The following ANHX variants were observed in gnomAD, a reference collection of about 807,000 sequenced individuals.
ANHX encodes anomalous homeobox.
Under a neutral mutation model 38.9 loss-of-function variants are expected in ANHX, and 20 were observed. The observed-to-expected ratio is 0.51, with a 90% CI of 0.36 to 0.75. ANHX has a LOEUF of 0.75. ANHX is among the 30% of genes least tolerant of loss of function. The probability of loss-of-function intolerance (pLI) is 0.00; values close to 1 mark genes in which losing one functional copy is unlikely to be tolerated. For synonymous variants in ANHX, 185 were observed against 203.1 expected (o/e 0.91, Z 0.76); for missense variants, 475 against 493.1 (o/e 0.96, Z 0.35).
At chr12:133,235,357 A>T (rs1345693684) in intron 1 of ANHX, 1 of 152,076 alleles carries the variant, frequency 6.6e-6, no homozygotes, top group South Asian at 2.1e-4. Flanking sequence ...CCTGTGGGGT[A>T]CCTTGGCCTG....
chr12:133,220,960 G>T lies in ANHX; in HGVS notation c.1280+245C>A, dbSNP rs530198509. Among the ~76,000 whole-genome samples the T allele has an allele frequency of 1.3e-4, 20 of 152,368 alleles. No homozygotes were observed. In the East Asian group the frequency reaches 3.9e-3, roughly 29 times the overall value. On this transcript the variant is annotated intron_variant, in intron 8 of 9. Coordinates refer to ENST00000545940, the MANE Select transcript of ANHX (RefSeq NM_001372060.1). Reference sequence around the variant, plus strand: ...GGTCCAGGGTGATTTGGGGGTAAGGGTGAACCCTGATCATGTCCAATGCAT... The same window carrying T: ...GGTCCAGGGTGATTTGGGGGTAAGGTTGAACCCTGATCATGTCCAATGCAT...
chr12:133,224,413 G>C (rs1440925174), intron 7 of ANHX, among the ~76,000 whole-genome samples: 3 of 152,160 alleles, frequency 2.0e-5, no homozygotes, highest in African/African-American at 7.2e-5. Flanking sequence ...TGTAATCCCA[G>C]CATTTTGGGA....
At chr12:133,226,179 T>G in intron 6 of ANHX, 139 bp downstream of exon 6, 2 of 1,373,470 alleles carry the variant, frequency 1.5e-6, no homozygotes, top group Admixed American at 2.2e-5. Flanking sequence ...GCTGGTGGCT[T>G]CCCTCTCCCT....
chr12:133,224,937 A>G (rs530468120), intron 7 of ANHX, among the ~76,000 whole-genome samples: 1 of 147,200 alleles, frequency 6.8e-6, no homozygotes, highest in Non-Finnish European at 1.5e-5. Context: ...ACTGCACTCC[A>G]GCCTGGGTGA....
chr12:133,219,201 C>G, intron 9 of ANHX, 82 bp downstream of exon 9: 1 of 1,287,812 alleles, frequency 7.8e-7, no homozygotes, highest in Non-Finnish European at 1.1e-6. Context: ...TCCAGTGGCA[C>G]TAGCTGAACC....
At chr12:133,224,559 A>C (rs1455277490) in intron 7 of ANHX, among the ~76,000 whole-genome samples, 1 of 148,942 alleles carries the variant, frequency 6.7e-6, no homozygotes, top group African/African-American at 2.5e-5. Flanking sequence ...CCTACTCGGG[A>C]GGCTGAGGCA....
At chr12:133,220,027 T>A (rs953425578) in intron 8 of ANHX, among the ~76,000 whole-genome samples, 4 of 152,082 alleles carry the variant, frequency 2.6e-5, no homozygotes, top group African/African-American at 9.7e-5. Context: ...CGTATTTACA[T>A]GAAATTCTAT....
rs1957329777 is a variant in ANHX at position 133,234,247 on chromosome 12, G to C, written c.110C>G (p.Ala37Gly). 1.3e-6 allele frequency: 2 copies of C among 1,536,168 alleles called. No homozygotes were observed. The highest frequency in any genetic ancestry group is 1.2e-5 in the South Asian group (1 of 84,060). Residue 37 changes from alanine to glycine, a missense_variant, in exon 2 of 10, where the codon GCC becomes GGC. By Grantham distance (60) the Ala-to-Gly change is moderately conservative (BLOSUM62 0). Coordinates refer to ENST00000545940, the MANE Select transcript of ANHX (RefSeq NM_001372060.1). ...RLCRDFQDDL[A>G]QLQPLVTAIL... ...GGCTGTGACCAAAGGCTGCAGTTGG[G>C]CAAGGTCATCCTGGAAGTCCCGGCA...
intron 3 of ANHX, among the ~76,000 whole-genome samples, chr12:133,230,705 G>C (rs1002857968): frequency 2.0e-5 from 3 of 152,120 alleles, no homozygotes; most frequent in Non-Finnish European, 4.4e-5. Context: ...TGAGGCTGCA[G>C]AGTTGTGACC....
intron 7 of ANHX, among the ~76,000 whole-genome samples, chr12:133,225,300 G>T (rs939756833): frequency 6.6e-6 from 1 of 150,522 alleles, no homozygotes; most frequent in Non-Finnish European, 1.5e-5. Flanking sequence ...TTCCTCTTCA[G>T]TGATATGCAT....
chr12:133,234,510 G>C, intron 1 of ANHX, 132 bp from the exon 2 acceptor site: 1 of 1,014,120 alleles, frequency 9.9e-7, no homozygotes, highest in Non-Finnish European at 1.4e-6. Context: ...GTAGGAATAA[G>C]ACCTCACACA....
rs898783379 is a variant in ANHX at position 133,226,941 on chromosome 12, C to A, written c.713G>T (p.Trp238Leu). Residue 238 changes from tryptophan (W) to leucine (L), a missense_variant, in exon 5 of 10, where the codon TGG becomes TTG. Trp to Leu is a moderately conservative substitution (Grantham distance 61). Transcript: ENST00000545940. ...GGGGCCCTCAGGCCACTCACCTGAC[C>A]ACTGAGGCCTGTCCACAAACCCAGA... ...VDSGFVDRPQ[W>L]SEEREEKGPP... 7 of 1,523,296 alleles carry A rather than the reference C, an allele frequency of 4.6e-6. No individual in the cohort carries two copies. In the African/African-American group the frequency reaches 8.2e-5, roughly 18 times the overall value. 94.4% of individuals were successfully genotyped at this position (1,523,296 alleles called of 1,614,324 possible). A position where few individuals can be genotyped will look rare whatever the true frequency, so the allele number is the denominator to read the frequency against.
At position 133,221,453 on chromosome 12, in the gene ANHX, C is replaced by T. The variant is rs149781867; in HGVS notation, c.1133-101G>A. ...AAAGCACGGAGGCGGATGCAGCCTC[C>T]GGCCCAGCCAGCCCGCGCCACGTGA... is the stretch of plus-strand genomic sequence containing the variant. On this transcript the variant is annotated intron_variant, in intron 7 of 9. Coordinates refer to ENST00000545940, the MANE Select transcript of ANHX (RefSeq NM_001372060.1). The surrounding 1 kb of genome is among the most constrained non-coding windows in gnomAD (Gnocchi z 4.1). The T allele has an allele frequency of 5.5e-4, 745 of 1,365,058 alleles. 5 individuals carry two copies. The African/African-American group carries it at 9.1e-3, about 17-fold the overall frequency. The allele number at this position is 1,365,058 out of a possible 1,614,324, so 84.6% of individuals were successfully genotyped here. A position where few individuals can be genotyped will look rare whatever the true frequency, so the allele number is the denominator to read the frequency against.
chr12:133,226,833 T>C, intron 5 of ANHX, 103 bp downstream of exon 5: 1 of 1,132,044 alleles, frequency 8.8e-7, no homozygotes, highest in Non-Finnish European at 1.2e-6. Flanking sequence ...ACCTACTGAT[T>C]GGAGGAGGGC....
chr12:133,226,969 C>A lies in ANHX; in HGVS notation c.685G>T (p.Asp229Tyr). 1 of 1,532,300 alleles carries A rather than the reference C, an allele frequency of 6.5e-7. No individual in the cohort carries two copies. The highest frequency in any genetic ancestry group is 1.2e-5 in the South Asian group (1 of 83,572). 94.9% of individuals were successfully genotyped at this position (1,532,300 alleles called of 1,614,324 possible). A position where few individuals can be genotyped will look rare whatever the true frequency, so the allele number is the denominator to read the frequency against. Residue 229 changes from aspartate (D) to tyrosine (Y), a missense_variant, in exon 5 of 10, where the codon GAC (aspartate) becomes TAC (tyrosine). By Grantham distance (160) the Asp-to-Tyr change is radical (BLOSUM62 -3). Coordinates refer to ENST00000545940, the MANE Select transcript of ANHX (RefSeq NM_001372060.1). ...TGAGGCCTGTCCACAAACCCAGAGT[C>A]AACACGGGGGTTGCCTGAGGGCTGC... Reference protein sequence around the residue: ...LLQPSGNPRVDSGFVDRPQWS... With the variant: ...LLQPSGNPRVYSGFVDRPQWS...
At chr12:133,220,544 G>A (rs1414143259) in intron 8 of ANHX, among the ~76,000 whole-genome samples, 1 of 152,224 alleles carries the variant, frequency 6.6e-6, no homozygotes, top group Non-Finnish European at 1.5e-5. Context: ...TCACTAGCAT[G>A]AGCCTTGAGT....
intron 3 of ANHX, among the ~76,000 whole-genome samples, chr12:133,229,568 T>A (rs1339354338): frequency 6.6e-6 from 1 of 151,832 alleles, no homozygotes; most frequent in Non-Finnish European, 1.5e-5. Context: ...CAGCTCCACC[T>A]CCTGTGTCAG....
At chr12:133,228,993 CCT>C (rs1957230929) in intron 3 of ANHX, among the ~76,000 whole-genome samples, 1 of 152,182 alleles carries the variant, frequency 6.6e-6, no homozygotes. Flanking sequence ...TCTCAGCTCT[CCT>C]CTTAACTGGC....
At chr12:133,228,082 C>T (rs1032957833) in intron 3 of ANHX, 135 bp from the exon 4 acceptor site, 36 of 1,045,404 alleles carry the variant, frequency 3.4e-5, no homozygotes, top group Non-Finnish European at 4.5e-5. Flanking sequence ...TCTCTGCCTC[C>T]AGTTAGTGAA....
Sources: gnomAD v4.1 joint callset for allele counts (sites outside exome capture counted in the v4.1 genomes callset) on GRCh38, gnomAD v4.1.1 for gene constraint, Gnocchi (gnomAD v3.1) non-coding constraint, MANE v1.5 for transcripts, NCBI Gene and HGNC (gene_info 2026-07-23, HGNC 2026-07-21) for gene names.